The following RAPH1 variants were observed in gnomAD, a reference collection of about 807,000 sequenced individuals.
RAPH1 encodes the protein ras-associated and pleckstrin homology domains-containing protein 1.
RAPH1 carries 18 observed loss-of-function variants against 88.1 expected under a neutral mutation model. The ratio of observed to expected loss-of-function variants is 0.20; its 90% CI spans 0.14 to 0.30. The LOEUF (loss-of-function observed/expected upper bound fraction) is 0.30. RAPH1 is among the 10% of genes least tolerant of loss of function. The pLI, the probability that RAPH1 is intolerant of heterozygous loss-of-function variation, is 1.00. For synonymous variants in RAPH1, 587 were observed against 559.0 expected (o/e 1.05, Z -0.71); for missense variants, 1,448 against 1,543.2 (o/e 0.94, Z 1.03).
chr2:203,506,768 A>ATCTATATATATCTAGATATATATATC lies in RAPH1; in HGVS notation c.1-11441_1-11416dup, dbSNP rs1559494233. Among the ~76,000 whole-genome samples the ATCTATATATATCTAGATATATATATC allele has an allele frequency of 1.9e-4, 23 of 120,874 alleles. No individual in the cohort carries two copies. In the East Asian group the frequency reaches 4.8e-3, roughly 25 times the overall value. 79.3% of individuals were successfully genotyped at this position (120,874 alleles called of 152,430 possible). On this transcript the variant is annotated intron_variant, in intron 1 of 13. Transcript: ENST00000319170. ...TATATATATATATATCTATATATAT[A>ATCTATATATATCTAGATATATATATC]TCTATATATATCTAGATATATATAT...
intron 1 of RAPH1, among the ~76,000 whole-genome samples, chr2:203,532,664 A>G (rs1690441995): frequency 2.6e-5 from 4 of 152,200 alleles, no homozygotes; most frequent in Admixed American, 2.6e-4. Context: ...TACGTCATAC[A>G]GTGGCCACTT....
At chr2:203,514,646 C>G (rs542003599) in intron 1 of RAPH1, among the ~76,000 whole-genome samples, 1 of 152,154 alleles carries the variant, frequency 6.6e-6, no homozygotes, top group African/African-American at 2.4e-5. Flanking sequence ...GCTCTGCCTC[C>G]CGGGTTCATG....
chr2:203,531,249 T>A (rs1690375074), intron 1 of RAPH1, among the ~76,000 whole-genome samples: 1 of 151,426 alleles, frequency 6.6e-6, no homozygotes, highest in Non-Finnish European at 1.5e-5. Context: ...AAAACTTTTG[T>A]GTTTGGGGAG....
At chr2:203,491,185 T>C (rs1259356702) in intron 3 of RAPH1, 29 bp downstream of exon 3, 2 of 1,470,868 alleles carry the variant, frequency 1.4e-6, no homozygotes, top group Admixed American at 3.4e-5. Flanking sequence ...AGCATACTAT[T>C]TTACATTTTA....
intron 7 of RAPH1, among the ~76,000 whole-genome samples, chr2:203,459,386 G>A (rs2153640715): frequency 6.6e-6 from 1 of 152,186 alleles, no homozygotes. Context: ...CTAGGTATTG[G>A]GAAGTATTAA....
At chr2:203,520,400 G>A (rs952551925) in intron 1 of RAPH1, among the ~76,000 whole-genome samples, 1 of 151,832 alleles carries the variant, frequency 6.6e-6, no homozygotes, top group South Asian at 2.1e-4. Flanking sequence ...GGCCGAGGCG[G>A]GTGGATCACC....
In RAPH1 at chr2:203,440,657, T is replaced by G; in HGVS notation, c.2533A>C (p.Ser845Arg). The change falls in exon 14 of 14, where the codon AGC becomes CGC. Residue 845 changes from serine to arginine, a missense_variant. Ser to Arg is a moderately radical substitution (Grantham distance 110). Around this residue, in one of 2 missense-constraint regions of RAPH1, gnomAD observed 935 missense variants for 890.1 expected, o/e 1.05. Transcript: ENST00000319170. Reference sequence around the variant, plus strand: ...GAGGGAGGGGGTTTTGCACAGAAGCTCTGTTGCTTGGGTAATGTTGGCGGG... The same window carrying G: ...GAGGGAGGGGGTTTTGCACAGAAGCGCTGTTGCTTGGGTAATGTTGGCGGG... ...VPPPTLPKQQ[S>R]FCAKPPPSPL... The G allele has an allele frequency of 6.4e-7, 1 of 1,554,416 alleles. No homozygotes were observed. Among genetic ancestry groups the G allele is most frequent in the South Asian group, 1.2e-5 (1 of 82,104 alleles).
intron 1 of RAPH1, among the ~76,000 whole-genome samples, chr2:203,529,076 C>T (rs1421977208): frequency 3.1e-5 from 4 of 130,460 alleles, no homozygotes; most frequent in Non-Finnish European, 4.6e-5. Flanking sequence ...CTCCCAGGCT[C>T]AGGTGATGCT....
rs1304171361 is a variant in RAPH1 at position 203,464,853 on chromosome 2, C to A, written c.733-2928G>T. On this transcript the variant is annotated intron_variant, in intron 4 of 13. Transcript: ENST00000319170. ...AATAGGCAAAAGACCTGAAAAGATA[C>A]CTCACTAAAGAAGACAGCTAGTAAA... Among the ~76,000 whole-genome samples the A allele has an allele frequency of 2.0e-5, 3 of 152,012 alleles. No individual in the cohort carries two copies. The East Asian group carries it at 5.8e-4, about 29-fold the overall frequency.
rs1689763692 is a variant in RAPH1, at chr2:203,519,347, AAATC to A, written c.-1+15760_-1+15763del. ...TATGCAAGGCTAGCTTAACATTTGA[AAATC>A]AATTAATACAATCCATTACATCAAC... On this transcript the variant is annotated intron_variant, in intron 1 of 13. Transcript: ENST00000319170. Among the ~76,000 whole-genome samples, 3 of 152,342 alleles carry A rather than the reference AAATC, an allele frequency of 2.0e-5. No individual in the cohort carries two copies. The South Asian group carries it at 6.2e-4, about 32-fold the overall frequency.
At position 203,489,809 on chromosome 2, in the gene RAPH1, C is replaced by T; in HGVS notation, c.507G>A (p.Glu169=). The T allele has an allele frequency of 1.2e-6, 2 of 1,614,170 alleles. No homozygotes were observed. Among genetic ancestry groups the T allele is most frequent in the Non-Finnish European group, 1.7e-6 (2 of 1,180,026 alleles). ...CTTCTAGTACAGATTGCTGAGCAGC[C>T]TCATCCATACTCAAAGAGGCCTGTT... The part of the protein sequence containing the change: ...QLEQASLSMD[E]AAQQSVLEDT... The change falls in exon 4 of 14, where the codon GAG becomes GAA. Residue 169 remains glutamate, a synonymous_variant. Transcript: ENST00000319170.
chr2:203,443,741 A>T (rs1038018838), intron 13 of RAPH1: 1 of 152,230 alleles, frequency 6.6e-6, no homozygotes, highest in Non-Finnish European at 1.5e-5. Context: ...GGACTTTGGA[A>T]AGCCGAGGCA....
At position 203,457,532 on chromosome 2, in the gene RAPH1, C is replaced by T; in HGVS notation, c.1156G>A (p.Glu386Lys). ...MADRNKEVLLEECFCGSSVTV... is the reference protein window; with the variant it reads ...MADRNKEVLLKECFCGSSVTV... The stretch of plus-strand genomic sequence containing the variant: ...CAGGAAAATGGGGGTTGTCATACCT[C>T]CAAGAGGACTTCTTTGTTTCTATCT... Residue 386 changes from glutamate to lysine, a missense_variant and splice_region_variant, in exon 8 of 14, where the codon GAG becomes AAG. Around this residue, in one of 2 missense-constraint regions of RAPH1, gnomAD observed 513 missense variants for 653.1 expected, o/e 0.79. Coordinates refer to ENST00000319170, the MANE Select transcript of RAPH1 (RefSeq NM_213589.3). 1.9e-6 allele frequency: 3 copies of T among 1,611,660 alleles called. No individual in the cohort carries two copies. Among genetic ancestry groups the T allele is most frequent in the South Asian group, 1.1e-5 (1 of 91,000 alleles).
At chr2:203,483,836 G>A (rs569614941) in intron 4 of RAPH1, among the ~76,000 whole-genome samples, 6 of 152,174 alleles carry the variant, frequency 3.9e-5, no homozygotes, top group Non-Finnish European at 5.9e-5. Context: ...CAGAACTCCA[G>A]GCTCTCCAGT....
At chr2:203,459,833 C>T in intron 7 of RAPH1, 74 bp downstream of exon 7, 1 of 1,477,446 alleles carries the variant, frequency 6.8e-7, no homozygotes, top group South Asian at 1.2e-5. Flanking sequence ...TCTTTTAACT[C>T]TAACTTAGCA....
intron 10 of RAPH1, among the ~76,000 whole-genome samples, chr2:203,451,433 A>C (rs1192946467): frequency 2.0e-5 from 3 of 152,208 alleles, no homozygotes; most frequent in Non-Finnish European, 2.9e-5. Context: ...CCCAGAGTGC[A>C]TGCTTTTAAC....
intron 4 of RAPH1, among the ~76,000 whole-genome samples, chr2:203,488,319 G>A (rs1688064978): frequency 6.7e-6 from 1 of 148,298 alleles, no homozygotes; most frequent in Admixed American, 6.8e-5. Flanking sequence ...AACTCTGGCT[G>A]GGCGCAGTGG....
chr2:203,521,056 T>G, intron 1 of RAPH1, among the ~76,000 whole-genome samples: 1 of 151,848 alleles, frequency 6.6e-6, no homozygotes, highest in East Asian at 1.9e-4. Context: ...GGTTTTGGGG[T>G]TTTTGTTTTG....
chr2:203,463,584 G>A (rs1398516476), intron 4 of RAPH1, among the ~76,000 whole-genome samples: 1 of 152,152 alleles, frequency 6.6e-6, no homozygotes, highest in Admixed American at 6.5e-5. Flanking sequence ...CCATTGAAAG[G>A]AGCCAATGAA....
Sources: allele counts gnomAD v4.1 joint callset (sites outside exome capture counted in the v4.1 genomes callset), GRCh38; gene constraint gnomAD v4.1.1; regional missense constraint gnomAD v4.1.1; transcripts MANE v1.5; gene names NCBI Gene and HGNC (gene_info 2026-07-23, HGNC 2026-07-21).